SCFD2: variants seen among roughly 807,000 people sequenced by gnomAD.
SCFD2 encodes sec1 family domain containing 2.
SCFD2 carries 54 observed loss-of-function variants against 58.9 expected under a neutral mutation model. The observed-to-expected ratio is 0.92, with a 90% CI of 0.74 to 1.15. The LOEUF (loss-of-function observed/expected upper bound fraction) is 1.15. Among genes scored for constraint, SCFD2 ranks in the 50% most tolerant of loss-of-function variants. The probability of loss-of-function intolerance (pLI) is 0.00; values close to 1 mark genes in which losing one functional copy is unlikely to be tolerated. For missense variants in SCFD2, 805 were observed against 836.6 expected, an observed-to-expected ratio of 0.96 and a Z score of 0.47; for synonymous variants, 321 against 335.9, an observed-to-expected ratio of 0.96 and a Z score of 0.49.
intron 4 of SCFD2, 71 bp downstream of exon 4, chr4:53,273,755 A>C (rs1410578248): frequency 7.6e-7 from 1 of 1,316,794 alleles, no homozygotes; most frequent in Non-Finnish European, 1.1e-6. Context: ...GCTATAATAA[A>C]TGTCAAGGTT....
At chr4:52,997,378 A>C (rs959239509) in intron 5 of SCFD2, among the ~76,000 whole-genome samples, 4 of 152,218 alleles carry the variant, frequency 2.6e-5, no homozygotes, top group Admixed American at 6.5e-5. Flanking sequence ...GTTAGGGGCA[A>C]CTGGAACTTT....
At chr4:52,906,040 A>G (rs898046454) in intron 7 of SCFD2, among the ~76,000 whole-genome samples, 1 of 152,244 alleles carries the variant, frequency 6.6e-6, no homozygotes, top group Non-Finnish European at 1.5e-5. Flanking sequence ...ATATTTGATC[A>G]AAGATCCCTT....
At chr4:53,207,506 T>TAAATATATAAATAA (rs1239127260) in intron 4 of SCFD2, among the ~76,000 whole-genome samples, 1 of 12,118 alleles carries the variant, frequency 8.3e-5, no homozygotes, top group Non-Finnish European at 1.4e-4. Context: ...TATATATATA[T>TAAATATATAAATAA]TATATATATT....
intron 4 of SCFD2, among the ~76,000 whole-genome samples, chr4:53,230,152 G>A (rs368680928): frequency 1.4e-3 from 207 of 152,242 alleles, no homozygotes; most frequent in Non-Finnish European, 2.1e-3. Context: ...GGAGAAATAG[G>A]AACACTTTTA....
intron 8 of SCFD2, among the ~76,000 whole-genome samples, chr4:52,877,272 A>G (rs1446942302): frequency 1.3e-5 from 2 of 152,138 alleles, no homozygotes; most frequent in African/African-American, 4.8e-5. Context: ...CAGCTTCATG[A>G]GGGCTCAGCC....
intron 4 of SCFD2, among the ~76,000 whole-genome samples, chr4:53,235,118 T>C (rs1729556771): frequency 6.6e-6 from 1 of 152,204 alleles, no homozygotes; most frequent in Non-Finnish European, 1.5e-5. Context: ...GCCCTTTAAA[T>C]GCACAGCCTG....
intron 5 of SCFD2, among the ~76,000 whole-genome samples, chr4:53,133,238 G>A (rs908211758): frequency 6.8e-6 from 1 of 148,132 alleles, no homozygotes; most frequent in African/African-American, 2.5e-5. Flanking sequence ...TGAAGCAGGA[G>A]AATGGCGTGA....
chr4:53,356,731 CTTTTTTTTT>C (rs369411706), intron 1 of SCFD2, among the ~76,000 whole-genome samples: 2 of 112,896 alleles, frequency 1.8e-5, no homozygotes, highest in African/African-American at 6.6e-5. Flanking sequence ...AACTTGTAGA[CTTTTTTTTT>C]TTTTTTTTTT....
intron 7 of SCFD2, among the ~76,000 whole-genome samples, chr4:52,891,564 T>C (rs1427490600): frequency 6.6e-6 from 1 of 152,248 alleles, no homozygotes; most frequent in Non-Finnish European, 1.5e-5. Flanking sequence ...TCAAAGACCA[T>C]CTCACTGCAG....
At position 53,360,748 on chromosome 4, in the gene SCFD2, G is replaced by A. The variant is rs144441597; in HGVS notation, c.838+4356C>T. 6.0e-4 allele frequency among the ~76,000 whole-genome samples: 91 copies of A among 152,322 alleles called. No homozygotes were observed. In the East Asian group the frequency reaches 0.014, roughly 24 times the overall value. On this transcript the variant is annotated intron_variant, in intron 1 of 8. Coordinates refer to ENST00000401642, the MANE Select transcript of SCFD2 (RefSeq NM_152540.4). ...TTTAATTATTCAACTAGGTAAGAAGGAAGCGGAGTCTTTATAATTTTTAAT... is the reference window on the plus strand; with the variant it reads ...TTTAATTATTCAACTAGGTAAGAAGAAAGCGGAGTCTTTATAATTTTTAAT...
chr4:53,068,068 T>G (rs1286522283), intron 5 of SCFD2, among the ~76,000 whole-genome samples: 1 of 152,042 alleles, frequency 6.6e-6, no homozygotes, highest in Non-Finnish European at 1.5e-5. Context: ...TTATTAAAAC[T>G]CAAATGTTAA....
chr4:52,931,511 C>G (rs1340211248), intron 5 of SCFD2, among the ~76,000 whole-genome samples: 1 of 152,198 alleles, frequency 6.6e-6, no homozygotes, highest in Non-Finnish European at 1.5e-5. Context: ...TCTTGTTTCC[C>G]ACCACCCCCC....
chr4:53,260,991 T>C (rs191719181), intron 4 of SCFD2, among the ~76,000 whole-genome samples: 242 of 152,216 alleles, frequency 1.6e-3, no homozygotes, highest in Non-Finnish European at 3.2e-3. Flanking sequence ...ATCTCCTCTA[T>C]GTTTTCTAGT....
intron 4 of SCFD2, among the ~76,000 whole-genome samples, chr4:53,205,623 G>GC (rs1373704887): frequency 6.6e-6 from 1 of 152,012 alleles, no homozygotes; most frequent in Non-Finnish European, 1.5e-5. Flanking sequence ...ACTTTGGGAG[G>GC]CCGAGGTGGG....
chr4:52,911,172 T>C (rs1046255857), intron 6 of SCFD2, among the ~76,000 whole-genome samples: 1 of 152,190 alleles, frequency 6.6e-6, no homozygotes, highest in Non-Finnish European at 1.5e-5. Context: ...AAAAACACTA[T>C]ATTCTGTACC....
At chr4:53,352,823 G>A in intron 1 of SCFD2, 57 bp from the exon 2 acceptor site, 1 of 1,451,940 alleles carries the variant, frequency 6.9e-7, no homozygotes, top group South Asian at 1.2e-5. Context: ...AAGCAAGTTG[G>A]ATAAATGTTT....
chr4:52,960,306 T>C (rs1720814387), intron 5 of SCFD2, among the ~76,000 whole-genome samples: 1 of 151,644 alleles, frequency 6.6e-6, no homozygotes, highest in South Asian at 2.1e-4. Context: ...GTATTAGTCA[T>C]GCGGCCACCA....
intron 2 of SCFD2, among the ~76,000 whole-genome samples, chr4:53,317,106 CAAAA>C (rs71662216): frequency 1.0e-5 from 1 of 99,356 alleles, no homozygotes; most frequent in African/African-American, 3.5e-5. Context: ...GACTCCATGT[CAAAA>C]AAAAAAAAAA....
chr4:53,079,833 A>G (rs534849338), intron 5 of SCFD2, among the ~76,000 whole-genome samples: 1 of 152,306 alleles, frequency 6.6e-6, no homozygotes, highest in South Asian at 2.1e-4. Context: ...ATTATAAATC[A>G]TCATTGAGCT....
Sources: allele counts gnomAD v4.1 joint callset (sites outside exome capture counted in the v4.1 genomes callset), GRCh38; gene constraint gnomAD v4.1.1; transcripts MANE v1.5; gene names NCBI Gene and HGNC (gene_info 2026-07-23, HGNC 2026-07-21).